Variants in SLAIN2 observed in about 807,000 individuals in gnomAD.
SLAIN2 encodes the protein SLAIN motif-containing protein 2.
SLAIN2 carries 31 observed loss-of-function variants against 56.6 expected under a neutral mutation model. The observed-to-expected ratio is 0.55, with a 90% CI of 0.41 to 0.74. The LOEUF (loss-of-function observed/expected upper bound fraction) is 0.74. SLAIN2 is among the 30% of genes least tolerant of loss of function. The probability of loss-of-function intolerance (pLI) is 0.00; values close to 1 mark genes in which losing one functional copy is unlikely to be tolerated. For synonymous variants in SLAIN2, 317 were observed against 284.9 expected (o/e 1.11, Z -1.13); for missense variants, 777 against 754.2 (o/e 1.03, Z -0.35).
chr4:48,393,538 C>G (rs1224564116), intron 6 of SLAIN2, among the ~76,000 whole-genome samples: 1 of 152,116 alleles, frequency 6.6e-6, no homozygotes, highest in Non-Finnish European at 1.5e-5. Context: ...CATGAACCAC[C>G]TCACTTGGCC....
At chr4:48,417,990 A>G (rs953353383) in intron 6 of SLAIN2, among the ~76,000 whole-genome samples, 2 of 151,780 alleles carry the variant, frequency 1.3e-5, no homozygotes, top group Non-Finnish European at 2.9e-5. Flanking sequence ...TATTTCTAGA[A>G]GTGTGTGTGT....
intron 6 of SLAIN2, 85 bp from the exon 7 acceptor site, chr4:48,420,040 C>T: frequency 7.6e-7 from 1 of 1,319,382 alleles, no homozygotes; most frequent in Non-Finnish European, 1.1e-6. Flanking sequence ...TGTACTAGTG[C>T]CCAATCATCA....
At chr4:48,356,324 T>A (rs906191862) in intron 1 of SLAIN2, among the ~76,000 whole-genome samples, 4 of 152,210 alleles carry the variant, frequency 2.6e-5, no homozygotes, top group Non-Finnish European at 4.4e-5. Flanking sequence ...ATGTGTGTTT[T>A]CTATGGACTA....
intron 2 of SLAIN2, among the ~76,000 whole-genome samples, chr4:48,373,025 A>G (rs1377989735): frequency 4.6e-5 from 7 of 151,652 alleles, no homozygotes; most frequent in Non-Finnish European, 1.0e-4. Flanking sequence ...AATTTTCTTC[A>G]CTTGTTTTTT....
chr4:48,411,354 A>AAAAC (rs907382173), intron 6 of SLAIN2, among the ~76,000 whole-genome samples: 21 of 152,292 alleles, frequency 1.4e-4, no homozygotes, highest in African/African-American at 3.6e-4. Flanking sequence ...CACGATGCAA[A>AAAAC]AAACAAACAA....
chr4:48,383,802 G>A lies in SLAIN2; in HGVS notation c.1360+18G>A. The A allele has an allele frequency of 6.2e-7, 1 of 1,604,516 alleles. No homozygotes were observed. Among genetic ancestry groups the A allele is most frequent in the Non-Finnish European group, 8.5e-7 (1 of 1,174,878 alleles). ...TTCAGCCAGTAAGTATCCTTCTTATGCTTTCATGTATCAGTTATTTAAAGA... is the reference window on the plus strand; with the variant it reads ...TTCAGCCAGTAAGTATCCTTCTTATACTTTCATGTATCAGTTATTTAAAGA... On this transcript the variant is annotated intron_variant, in intron 6 of 7. Coordinates refer to ENST00000264313, the MANE Select transcript of SLAIN2 (RefSeq NM_020846.2).
intron 6 of SLAIN2, among the ~76,000 whole-genome samples, chr4:48,419,172 C>T (rs1021354569): frequency 6.6e-6 from 1 of 151,932 alleles, no homozygotes; most frequent in Non-Finnish European, 1.5e-5. Flanking sequence ...CCGCGATCCC[C>T]GCTTATTGCA....
At chr4:48,346,388 C>T (rs1714866049) in intron 1 of SLAIN2, among the ~76,000 whole-genome samples, 1 of 152,140 alleles carries the variant, frequency 6.6e-6, no homozygotes, top group Admixed American at 6.5e-5. Context: ...TTCTGGCTCA[C>T]TAGATCAATT....
chr4:48,363,566 A>G (rs1376343507), intron 1 of SLAIN2, among the ~76,000 whole-genome samples: 40 of 58,330 alleles, frequency 6.9e-4, no homozygotes, highest in Admixed American at 9.1e-4. Flanking sequence ...GGCCGGGCGG[A>G]GGGCTGAACC....
Position 48,379,858 on chromosome 4 carries a change from C to A in SLAIN2, c.862+10C>A. 6.5e-7 allele frequency: 1 copy of A among 1,534,562 alleles called. No individual in the cohort carries two copies. Among genetic ancestry groups the A allele is most frequent in the South Asian group, 1.3e-5 (1 of 78,198 alleles). ...CGGATGCAGGAAGAAAGTAAGTATT[C>A]TAATTGTTAAGAGTTGAGGTTTTTT... On this transcript the variant is annotated intron_variant, in intron 4 of 7. Transcript: ENST00000264313.
chr4:48,342,711 C>CTTTTTTT lies in SLAIN2; in HGVS notation c.389+601_389+607dup, dbSNP rs761272695. Reference sequence around the variant, plus strand: ...GAAGAGAGGGCAGAGGATGGTGCTGCTTTTTTTTTTTTTTTTTTTTTTTTG... The same window carrying CTTTTTTT: ...GAAGAGAGGGCAGAGGATGGTGCTGCTTTTTTTTTTTTTTTTTTTTTTTTTTTTTTTG... On this transcript the variant is annotated intron_variant, in intron 1 of 7. Coordinates refer to ENST00000264313, the MANE Select transcript of SLAIN2 (RefSeq NM_020846.2). 6.8e-3 allele frequency among the ~76,000 whole-genome samples: 450 copies of CTTTTTTT among 65,940 alleles called. 44 individuals carry two copies. The highest frequency in any genetic ancestry group is 8.9e-3 in the Non-Finnish European group (348 of 39,102). 43.3% of individuals were successfully genotyped at this position (65,940 alleles called of 152,430 possible). A position where few individuals can be genotyped will look rare whatever the true frequency, so the allele number is the denominator to read the frequency against.
In SLAIN2 at chr4:48,341,957, C is replaced by G; in HGVS notation, c.218C>G (p.Ala73Gly). ...SPRGFPLGLS[A>G]KSGGGPGSGP... is the part of the protein sequence containing the mutation. Reference sequence around the variant, plus strand: ...CGGGGCTTCCCCTTGGGCCTCAGCGCCAAGTCGGGCGGCGGGCCCGGGTCG... The same window carrying G: ...CGGGGCTTCCCCTTGGGCCTCAGCGGCAAGTCGGGCGGCGGGCCCGGGTCG... Residue 73 changes from alanine to glycine, a missense_variant, in exon 1 of 8, where the codon GCC (alanine) becomes GGC (glycine). By Grantham distance (60) the Ala-to-Gly change is moderately conservative. Transcript: ENST00000264313. 6.9e-7 allele frequency: 1 copy of G among 1,448,936 alleles called. No homozygotes were observed. The highest frequency in any genetic ancestry group is 3.0e-5 in the East Asian group (1 of 33,664). 89.8% of individuals were successfully genotyped at this position (1,448,936 alleles called of 1,614,324 possible).
intron 1 of SLAIN2, among the ~76,000 whole-genome samples, chr4:48,344,457 A>G (rs190684084): frequency 5.3e-5 from 8 of 152,264 alleles, no homozygotes; most frequent in South Asian, 2.1e-4. Context: ...GAAGATGTCA[A>G]TAAGTGTTAT....
At chr4:48,388,873 T>G (rs1200538325) in intron 6 of SLAIN2, among the ~76,000 whole-genome samples, 1 of 152,210 alleles carries the variant, frequency 6.6e-6, no homozygotes. Context: ...CAAAAGAATA[T>G]TTTTGCATGG....
Position 48,425,734 on chromosome 4 carries a change from G to A in SLAIN2, c.*3657G>A, listed in dbSNP as rs1011346617. On this transcript the variant is annotated 3_prime_UTR_variant, in exon 8 of 8. Transcript: ENST00000264313. ...TAAGTTTAAACCTGTTATATACTCA[G>A]TGCAACAGAAAAACCCATATGGAGG... 5 of 152,036 alleles carry A rather than the reference G, an allele frequency of 3.3e-5. No individual in the cohort carries two copies. The highest frequency in any genetic ancestry group is 7.4e-5 in the Non-Finnish European group (5 of 68,008). 9.4% of individuals were successfully genotyped at this position (152,036 alleles called of 1,614,324 possible).
Position 48,342,004 on chromosome 4 carries a change from G to A in SLAIN2, c.265G>A (p.Glu89Lys), listed in dbSNP as rs1414575635. ...PGSGPRRTSS[E>K]ELRDATSLLA... is the part of the protein sequence containing the mutation. Reference sequence around the variant, plus strand: ...GTCGGGCCCGAGGCGGACGAGTAGCGAAGAGCTGCGGGACGCCACCTCCTT... The same window carrying A: ...GTCGGGCCCGAGGCGGACGAGTAGCAAAGAGCTGCGGGACGCCACCTCCTT... Residue 89 changes from glutamate (E) to lysine (K), a missense_variant, in exon 1 of 8, where the codon GAA (glutamate) becomes AAA (lysine). Glu to Lys is a moderately conservative substitution (Grantham distance 56, BLOSUM62 1). Coordinates refer to ENST00000264313, the MANE Select transcript of SLAIN2 (RefSeq NM_020846.2). 2.8e-6 allele frequency: 4 copies of A among 1,423,136 alleles called. No homozygotes were observed. In the Admixed American group the frequency reaches 1.4e-4, roughly 48 times the overall value. 88.2% of individuals were successfully genotyped at this position (1,423,136 alleles called of 1,614,324 possible).
Position 48,349,782 on chromosome 4 carries a change from A to G in SLAIN2, c.389+7654A>G, listed in dbSNP as rs529686068. Among the ~76,000 whole-genome samples the G allele has an allele frequency of 3.8e-4, 58 of 152,334 alleles. 1 individual carries two copies. Among genetic ancestry groups the G allele is most frequent in the Non-Finnish European group, 7.2e-4 (49 of 68,016 alleles). Reference sequence around the variant, plus strand: ...CTTGTTACTTAGTAGTAGTAAGATTATATATCACAGATGGATACATTTTGG... The same window carrying G: ...CTTGTTACTTAGTAGTAGTAAGATTGTATATCACAGATGGATACATTTTGG... On this transcript the variant is annotated intron_variant, in intron 1 of 7. Transcript: ENST00000264313.
At chr4:48,392,429 G>A (rs1271367607) in intron 6 of SLAIN2, among the ~76,000 whole-genome samples, 1 of 152,066 alleles carries the variant, frequency 6.6e-6, no homozygotes, top group Non-Finnish European at 1.5e-5. Flanking sequence ...CATTATAGAC[G>A]TTATTTAATA....
chr4:48,373,137 G>T (rs1715715100), intron 2 of SLAIN2, among the ~76,000 whole-genome samples: 2 of 151,790 alleles, frequency 1.3e-5, no homozygotes, highest in Non-Finnish European at 2.9e-5. Context: ...TTTAAAAATT[G>T]TCATAAAATT....
Sources: allele counts gnomAD v4.1 joint callset (sites outside exome capture counted in the v4.1 genomes callset), GRCh38; gene constraint gnomAD v4.1.1; transcripts MANE v1.5; gene names NCBI Gene and HGNC (gene_info 2026-07-23, HGNC 2026-07-21).